Variants in SDK1 observed in about 807,000 individuals in gnomAD.
SDK1 encodes sidekick cell adhesion molecule 1, also known as protein sidekick-1.
In SDK1, 157 loss-of-function variants were observed where a neutral mutation model predicts 245.5. The observed-to-expected ratio is 0.64, with a 90% CI of 0.56 to 0.73. The LOEUF (loss-of-function observed/expected upper bound fraction) is 0.73, where lower values mean the gene tolerates loss of function less well. Among genes scored for constraint, SDK1 ranks in the 30% least tolerant of loss-of-function variants. The pLI, the probability that SDK1 is intolerant of heterozygous loss-of-function variation, is 0.00. For missense variants in SDK1, 3,583 were observed against 3,002.3 expected, an observed-to-expected ratio of 1.19 and a Z score of -4.52; for synonymous variants, 1,647 against 1,278.5, an observed-to-expected ratio of 1.29 and a Z score of -6.15.
rs144445959 is a variant in SDK1 at position 3,465,399 on chromosome 7, A to G, written c.299-153681A>G. ...AGAAATAGGCATATGAAACATAATGAGTAACGTCAGCATAATTTGAGATTT... is the reference window on the plus strand; with the variant it reads ...AGAAATAGGCATATGAAACATAATGGGTAACGTCAGCATAATTTGAGATTT... On this transcript the variant is annotated intron_variant, in intron 1 of 44. Coordinates refer to ENST00000404826, the MANE Select transcript of SDK1 (RefSeq NM_152744.4). Among the ~76,000 whole-genome samples, 50 of 152,368 alleles carry G rather than the reference A, an allele frequency of 3.3e-4. No homozygotes were observed. The East Asian group carries it at 9.4e-3, about 29-fold the overall frequency.
At chr7:3,541,773 C>A (rs576113336) in intron 1 of SDK1, among the ~76,000 whole-genome samples, 1 of 152,148 alleles carries the variant, frequency 6.6e-6, no homozygotes, top group Non-Finnish European at 1.5e-5. Flanking sequence ...GACATCACCC[C>A]AATGCATGAC....
intron 1 of SDK1, among the ~76,000 whole-genome samples, chr7:3,323,782 G>C (rs1167461082): frequency 1.3e-5 from 2 of 152,218 alleles, no homozygotes; most frequent in Non-Finnish European, 2.9e-5. Context: ...TGTCACAGAA[G>C]TGAGATCTCA....
chr7:3,577,830 A>C (rs1472573465), intron 1 of SDK1, among the ~76,000 whole-genome samples: 1 of 151,990 alleles, frequency 6.6e-6, no homozygotes, highest in Non-Finnish European at 1.5e-5. Flanking sequence ...AGAAACTCTA[A>C]CTTCCTCATC....
chr7:3,655,489 ATATATATATATATATG>A (rs1488545779), intron 4 of SDK1, among the ~76,000 whole-genome samples: 2,717 of 59,418 alleles, frequency 0.046, 117 homozygotes, highest in Non-Finnish European at 0.081. Flanking sequence ...ATATATATAT[ATATATATATATATATG>A]TATGTATGTA....
intron 22 of SDK1, among the ~76,000 whole-genome samples, chr7:4,087,479 G>GCGCACACACACACA (rs1554336240): frequency 6.7e-6 from 1 of 150,254 alleles, no homozygotes; most frequent in African/African-American, 2.4e-5. Flanking sequence ...ACACACGCGC[G>GCGCACACACACACA]CACACACACA....
intron 44 of SDK1, among the ~76,000 whole-genome samples, chr7:4,255,322 T>C (rs1787557333): frequency 6.6e-6 from 1 of 152,210 alleles, no homozygotes; most frequent in Admixed American, 6.5e-5. Context: ...TCTCTGTTCT[T>C]ACAGAATAAC....
chr7:3,717,619 A>C (rs1785240507), intron 4 of SDK1, among the ~76,000 whole-genome samples: 1 of 152,194 alleles, frequency 6.6e-6, no homozygotes, highest in Non-Finnish European at 1.5e-5. Context: ...CTTTAAAAGA[A>C]TGATAGGAAA....
intron 4 of SDK1, among the ~76,000 whole-genome samples, chr7:3,717,323 C>T (rs1785233581): frequency 6.6e-6 from 1 of 152,030 alleles, no homozygotes; most frequent in Non-Finnish European, 1.5e-5. Context: ...GGATATTAAA[C>T]AACTTCTAAA....
At chr7:4,166,877 T>G (rs1342539531) in intron 32 of SDK1, among the ~76,000 whole-genome samples, 1 of 152,086 alleles carries the variant, frequency 6.6e-6, no homozygotes, top group African/African-American at 2.4e-5. Context: ...GGTGGGAGGT[T>G]CCACAGAGGC....
At chr7:4,215,369 C>T (rs1479579835) in intron 38 of SDK1, among the ~76,000 whole-genome samples, 5 of 152,246 alleles carry the variant, frequency 3.3e-5, no homozygotes, top group South Asian at 2.1e-4. Context: ...ACCGACTCTG[C>T]GCTGGGCCAC....
intron 10 of SDK1, among the ~76,000 whole-genome samples, chr7:3,969,033 A>T (rs6969705): frequency 6.6e-6 from 1 of 151,676 alleles, no homozygotes; most frequent in African/African-American, 2.4e-5. Flanking sequence ...ATCAGATCTC[A>T]TGAGAACTCC....
intron 4 of SDK1, among the ~76,000 whole-genome samples, chr7:3,749,284 G>A (rs1021833286): frequency 2.0e-5 from 3 of 151,932 alleles, no homozygotes; most frequent in Admixed American, 6.6e-5. Context: ...CTACAGGTGT[G>A]TGCCACCACG....
intron 1 of SDK1, among the ~76,000 whole-genome samples, chr7:3,333,336 G>T (rs1780117357): frequency 6.6e-6 from 1 of 152,148 alleles, no homozygotes; most frequent in South Asian, 2.1e-4. Context: ...CATACAAATG[G>T]TGTATGAAAG....
chr7:3,843,123 C>G (rs1263805826), intron 5 of SDK1, among the ~76,000 whole-genome samples: 3 of 152,136 alleles, frequency 2.0e-5, no homozygotes, highest in African/African-American at 7.2e-5. Flanking sequence ...TTTCTCGGGG[C>G]CCTGATTTAT....
chr7:3,759,310 T>C (rs1279663094), intron 4 of SDK1, among the ~76,000 whole-genome samples: 3 of 152,178 alleles, frequency 2.0e-5, no homozygotes, highest in African/African-American at 7.2e-5. Context: ...AATGCTCATG[T>C]TGGTGGCTAT....
At chr7:3,875,652 C>T (rs903557812) in intron 5 of SDK1, among the ~76,000 whole-genome samples, 4 of 152,076 alleles carry the variant, frequency 2.6e-5, no homozygotes, top group Admixed American at 1.3e-4. Flanking sequence ...TGTAGAGACT[C>T]GGGTAGGAAA....
chr7:3,489,315 A>G (rs1176761591), intron 1 of SDK1, among the ~76,000 whole-genome samples: 1 of 152,240 alleles, frequency 6.6e-6, no homozygotes, highest in Admixed American at 6.5e-5. Context: ...TTCAGGTGTA[A>G]CTTAAGCATC....
chr7:3,427,084 A>G (rs1426619933), intron 1 of SDK1, among the ~76,000 whole-genome samples: 1 of 152,238 alleles, frequency 6.6e-6, no homozygotes, highest in East Asian at 1.9e-4. Context: ...AAGCTGAACT[A>G]CACACAACAA....
rs565953769 is a variant in SDK1, at chr7:3,977,398, T to C, written c.1994+2853T>C. On this transcript the variant is annotated intron_variant, in intron 13 of 44. Transcript: ENST00000404826. ...CACAGACGGTCCTCCAGAGAATCAC[T>C]GGGGGTCCCGGGGCTGAGGCTGCCA... Among the ~76,000 whole-genome samples the C allele has an allele frequency of 3.3e-4, 35 of 107,150 alleles. 6 individuals are homozygous for C. The highest frequency in any genetic ancestry group is 9.6e-4 in the African/African-American group (31 of 32,338). The allele number at this position is 107,150 out of a possible 152,430, so 70.3% of individuals were successfully genotyped here. A position where few individuals can be genotyped will look rare whatever the true frequency, so the allele number is the denominator to read the frequency against.
Sources: allele counts gnomAD v4.1 joint callset (sites outside exome capture counted in the v4.1 genomes callset), GRCh38; gene constraint gnomAD v4.1.1; transcripts MANE v1.5; gene names NCBI Gene and HGNC (gene_info 2026-07-23, HGNC 2026-07-21).